The following CDK19 variants were observed in gnomAD, a reference collection of about 807,000 sequenced individuals.
CDK19 encodes cyclin-dependent kinase 19.
A neutral mutation model predicts 68.3 loss-of-function variants in CDK19; 20 were observed. The observed-to-expected ratio is 0.29, with a 90% CI of 0.21 to 0.43. CDK19 has a LOEUF of 0.43. Among genes scored for constraint, CDK19 ranks in the 20% least tolerant of loss-of-function variants. The probability of loss-of-function intolerance (pLI) is 1.00; values close to 1 mark genes in which losing one functional copy is unlikely to be tolerated. For synonymous variants in CDK19, 221 were observed against 222.8 expected (o/e 0.99, Z 0.07); for missense variants, 339 against 623.5 (o/e 0.54, Z 4.86).
intron 6 of CDK19, among the ~76,000 whole-genome samples, chr6:110,630,652 T>C (rs1413371281): frequency 1.3e-5 from 2 of 152,226 alleles, no homozygotes; most frequent in Non-Finnish European, 2.9e-5. Flanking sequence ...CGGCTGCCAC[T>C]GTCCACTGAT....
At chr6:110,619,547 T>C (rs966714236) in intron 12 of CDK19, among the ~76,000 whole-genome samples, 14 of 151,650 alleles carry the variant, frequency 9.2e-5, no homozygotes, top group Admixed American at 9.2e-4. Context: ...AGGCCTGACC[T>C]TGGGCTTTCC....
At chr6:110,688,946 GC>G (rs1202073262) in intron 2 of CDK19, among the ~76,000 whole-genome samples, 1 of 152,186 alleles carries the variant, frequency 6.6e-6, no homozygotes, top group Non-Finnish European at 1.5e-5. Flanking sequence ...GGAGCTGGGT[GC>G]CCTGGCTTTG....
chr6:110,719,992 C>A (rs1270349943), intron 2 of CDK19, among the ~76,000 whole-genome samples: 5 of 126,114 alleles, frequency 4.0e-5, no homozygotes, highest in East Asian at 2.7e-4. Flanking sequence ...CCCCACCCCC[C>A]CCCTGCTTCG....
intron 1 of CDK19, among the ~76,000 whole-genome samples, chr6:110,808,869 T>C (rs544641030): frequency 1.3e-5 from 2 of 152,248 alleles, no homozygotes; most frequent in African/African-American, 4.8e-5. Context: ...AATATTTATT[T>C]CTCAAAAATA....
intron 1 of CDK19, among the ~76,000 whole-genome samples, chr6:110,788,773 T>G (rs925534025): frequency 2.0e-5 from 3 of 152,216 alleles, no homozygotes; most frequent in Non-Finnish European, 4.4e-5. Flanking sequence ...CCTTATGCTG[T>G]ATTCATTTAT....
At chr6:110,711,655 A>G (rs1774947435) in intron 2 of CDK19, among the ~76,000 whole-genome samples, 1 of 152,232 alleles carries the variant, frequency 6.6e-6, no homozygotes, top group African/African-American at 2.4e-5. Context: ...ATGAACTAAT[A>G]TATAACATGA....
In CDK19 at chr6:110,791,555, A is replaced by C. The variant is rs530280631; in HGVS notation, c.128+23454T>G. Among the ~76,000 whole-genome samples the C allele has an allele frequency of 1.0e-3, 155 of 152,282 alleles. 1 individual carries two copies. The highest frequency in any genetic ancestry group is 3.7e-3 in the African/African-American group (153 of 41,566). On this transcript the variant is annotated intron_variant, in intron 1 of 12. Coordinates refer to ENST00000368911, the MANE Select transcript of CDK19 (RefSeq NM_015076.5). Reference sequence around the variant, plus strand: ...TAGAATATGATTGCATTTTGGAGAAAAGTAGGTATTTCCTGAGAAAGAAGT... The same window carrying C: ...TAGAATATGATTGCATTTTGGAGAACAGTAGGTATTTCCTGAGAAAGAAGT...
At chr6:110,764,554 C>A (rs1049002275) in intron 1 of CDK19, among the ~76,000 whole-genome samples, 1 of 152,126 alleles carries the variant, frequency 6.6e-6, no homozygotes, top group Non-Finnish European at 1.5e-5. Flanking sequence ...GACAACTGGA[C>A]GTGCATATGC....
intron 2 of CDK19, among the ~76,000 whole-genome samples, chr6:110,717,372 C>T (rs180924420): frequency 1.3e-5 from 2 of 151,920 alleles, no homozygotes; most frequent in African/African-American, 4.8e-5. Flanking sequence ...GTCAATGAGC[C>T]CTTAGAGCTG....
chr6:110,651,592 G>C (rs1278293772), intron 4 of CDK19, among the ~76,000 whole-genome samples: 1 of 152,030 alleles, frequency 6.6e-6, no homozygotes, highest in Non-Finnish European at 1.5e-5. Flanking sequence ...TCGTATTCCT[G>C]GATTTGGTTT....
chr6:110,739,290 A>C (rs1389079398), intron 2 of CDK19, among the ~76,000 whole-genome samples: 2 of 152,146 alleles, frequency 1.3e-5, no homozygotes, highest in African/African-American at 4.8e-5. Flanking sequence ...AGCCGAGAGA[A>C]ATGGTTGGCT....
At chr6:110,730,566 G>T (rs1331053510) in intron 2 of CDK19, among the ~76,000 whole-genome samples, 3 of 152,144 alleles carry the variant, frequency 2.0e-5, no homozygotes, top group Non-Finnish European at 4.4e-5. Context: ...ACTTTGAAAG[G>T]CAATTAACAA....
chr6:110,659,654 T>A (rs1032276709), intron 4 of CDK19, among the ~76,000 whole-genome samples: 2 of 152,212 alleles, frequency 1.3e-5, no homozygotes, highest in African/African-American at 4.8e-5. Flanking sequence ...AGTGATAAAT[T>A]CTGGACCTCA....
At chr6:110,801,935 C>T (rs866093018) in intron 1 of CDK19, among the ~76,000 whole-genome samples, 1 of 152,156 alleles carries the variant, frequency 6.6e-6, no homozygotes, top group Non-Finnish European at 1.5e-5. Context: ...GGAGAAAACA[C>T]TCAACATCAC....
chr6:110,640,988 GA>G (rs759992718), intron 4 of CDK19, among the ~76,000 whole-genome samples: 66 of 152,150 alleles, frequency 4.3e-4, no homozygotes, highest in South Asian at 2.3e-3. Flanking sequence ...AAGAGTTTGA[GA>G]AATGTGAAAT....
chr6:110,676,165 A>T (rs1159392039), intron 2 of CDK19, among the ~76,000 whole-genome samples: 2 of 152,258 alleles, frequency 1.3e-5, no homozygotes, highest in Admixed American at 1.3e-4. Flanking sequence ...TCAAGGTATC[A>T]GTGGAGGAAG....
At chr6:110,776,417 G>A (rs55783635) in intron 1 of CDK19, among the ~76,000 whole-genome samples, 2,919 of 147,020 alleles carry the variant, frequency 0.02, 98 homozygotes, top group African/African-American at 0.07. Flanking sequence ...CAACAAGACT[G>A]AAACTCTGTC....
chr6:110,757,677 C>G (rs781177051), intron 1 of CDK19, among the ~76,000 whole-genome samples: 3 of 152,096 alleles, frequency 2.0e-5, no homozygotes, highest in Admixed American at 1.3e-4. Context: ...CATGTAATGA[C>G]AACAACAAAT....
intron 2 of CDK19, among the ~76,000 whole-genome samples, chr6:110,738,113 G>A (rs1001814258): frequency 6.6e-6 from 1 of 152,068 alleles, no homozygotes. Context: ...CCCTTTCACA[G>A]AAAAGGTAAA....
Sources: gnomAD v4.1 joint callset for allele counts (sites outside exome capture counted in the v4.1 genomes callset) on GRCh38, gnomAD v4.1.1 for gene constraint, MANE v1.5 for transcripts, NCBI Gene and HGNC (gene_info 2026-07-23, HGNC 2026-07-21) for gene names.